EBNA1BP2: variants seen among roughly 807,000 people sequenced by gnomAD.
EBNA1BP2 encodes the protein EBNA1 binding protein 2.
A neutral mutation model predicts 43.5 loss-of-function variants in EBNA1BP2; 36 were observed. The ratio of observed to expected loss-of-function variants is 0.83; its 90% CI spans 0.63 to 1.09. The LOEUF is 1.09. Among genes scored for constraint, EBNA1BP2 ranks in the 50% least tolerant of loss-of-function variants. EBNA1BP2 has a pLI of 0.00. For synonymous variants in EBNA1BP2, 127 were observed against 141.3 expected, an observed-to-expected ratio of 0.90 and a Z score of 0.72; for missense variants, 332 against 379.1, an observed-to-expected ratio of 0.88 and a Z score of 1.03.
At chr1:43,171,101 A>C (rs1347000165) in intron 3 of EBNA1BP2, 2 of 581,568 alleles carry the variant, frequency 3.4e-6, no homozygotes, top group Non-Finnish European at 5.3e-6. Context: ...AAAATAGTTT[A>C]AGAGAATGAC....
At chr1:43,168,095 G>C (rs1644930536) in intron 5 of EBNA1BP2, among the ~76,000 whole-genome samples, 1 of 152,190 alleles carries the variant, frequency 6.6e-6, no homozygotes, top group African/African-American at 2.4e-5. Flanking sequence ...TGGTGTCTTT[G>C]AGAGAATCTC....
intron 5 of EBNA1BP2, among the ~76,000 whole-genome samples, chr1:43,168,359 T>A (rs1371748212): frequency 6.6e-6 from 1 of 152,240 alleles, no homozygotes; most frequent in African/African-American, 2.4e-5. Context: ...CTTTCTTAGA[T>A]GACCATGAAA....
Position 43,170,704 on chromosome 1 carries a change from T to A in EBNA1BP2, c.447+52A>T. 4 of 1,575,422 alleles carry A rather than the reference T, an allele frequency of 2.5e-6. No individual in the cohort carries two copies. The South Asian group carries it at 4.7e-5, about 19-fold the overall frequency. ...TAGCTATCTTTCTAAGCCAGCTGAA[T>A]ATGCTTAAGTACAAAGTTTTGACTT... On this transcript the variant is annotated intron_variant, in intron 4 of 8. Coordinates refer to ENST00000236051, the MANE Select transcript of EBNA1BP2 (RefSeq NM_006824.3).
intron 7 of EBNA1BP2, among the ~76,000 whole-genome samples, chr1:43,166,369 G>T (rs1199223365): frequency 6.6e-6 from 1 of 152,164 alleles, no homozygotes; most frequent in Admixed American, 6.5e-5. Flanking sequence ...AGCACTTTGG[G>T]AGGCTGAGGT....
Position 43,172,053 on chromosome 1 carries a change from C to T in EBNA1BP2, c.66G>A (p.Glu22=), listed in dbSNP as rs1168939428. ...CCCCACGAGCTCGGCTGACACCTAC[C>T]TCTCTGTCTGTGACAAGGGATTCAT... ...ESDESLVTDR[E]LQDAFSRGLL... Residue 22 remains glutamate, a splice_region_variant and synonymous_variant, in exon 1 of 9, where the codon GAG becomes GAA. Transcript: ENST00000236051. 8 of 1,614,174 alleles carry T rather than the reference C, an allele frequency of 5.0e-6. No individual in the cohort carries two copies. The highest frequency in any genetic ancestry group is 6.8e-6 in the Non-Finnish European group (8 of 1,180,040).
chr1:43,171,261 A>T (rs1644965162), intron 3 of EBNA1BP2: 1 of 582,510 alleles, frequency 1.7e-6, no homozygotes, highest in Non-Finnish European at 2.7e-6. Flanking sequence ...TTTTAACATG[A>T]ATATTTCAAA....
intron 4 of EBNA1BP2, among the ~76,000 whole-genome samples, chr1:43,170,105 C>T (rs1351252232): frequency 6.6e-6 from 1 of 152,222 alleles, no homozygotes; most frequent in Non-Finnish European, 1.5e-5. Context: ...TGCTATGCAT[C>T]ACCTCATTCT....
chr1:43,166,972 G>A lies in EBNA1BP2; in HGVS notation c.614-53C>T, dbSNP rs958051378. On this transcript the variant is annotated intron_variant, in intron 6 of 8. Transcript: ENST00000236051. Reference sequence around the variant, plus strand: ...GCACCATTGTATTTTAAGAATAAAAGTTTAAACCACCATATGAGGCTGTTA... The same window carrying A: ...GCACCATTGTATTTTAAGAATAAAAATTTAAACCACCATATGAGGCTGTTA... 5.5e-5 allele frequency: 87 copies of A among 1,585,810 alleles called. No individual in the cohort carries two copies. In the African/African-American group the frequency reaches 1.1e-3, roughly 21 times the overall value.
At chr1:43,168,790 G>T in intron 5 of EBNA1BP2, 149 bp downstream of exon 5, 1 of 819,958 alleles carries the variant, frequency 1.2e-6, no homozygotes, top group Non-Finnish European at 2.0e-6. Context: ...GCAAGATTGT[G>T]CTCATGAATA....
upstream of EBNA1BP2, chr1:43,172,469 T>C (rs1316271114): frequency 7.2e-6 from 11 of 1,524,832 alleles, no homozygotes; most frequent in Middle Eastern, 1.9e-4. Flanking sequence ...AGGGGGTACC[T>C]GGGGGTCGCC....
At position 43,164,289 on chromosome 1, in the gene EBNA1BP2, T is replaced by C. The variant is rs545800914; in HGVS notation, c.*154A>G. 1.6e-4 allele frequency: 130 copies of C among 820,398 alleles called. No homozygotes were observed. Among genetic ancestry groups the C allele is most frequent in the Admixed American group, 1.8e-4 (7 of 38,434 alleles). 50.8% of individuals were successfully genotyped at this position (820,398 alleles called of 1,614,324 possible). Reference sequence around the variant, plus strand: ...AACTTCTCAATCTTTTAGTCTAGACTATTTAACCAAAGGTATGTGTTCCTT... The same window carrying C: ...AACTTCTCAATCTTTTAGTCTAGACCATTTAACCAAAGGTATGTGTTCCTT... On this transcript the variant is annotated 3_prime_UTR_variant, in exon 9 of 9. Transcript: ENST00000236051.
chr1:43,169,141 A>G, intron 4 of EBNA1BP2, 113 bp from the exon 5 acceptor site: 2 of 1,138,830 alleles, frequency 1.8e-6, no homozygotes, highest in Non-Finnish European at 2.6e-6. Flanking sequence ...CGGAACTTAT[A>G]AATCATCAGT....
intron 7 of EBNA1BP2, among the ~76,000 whole-genome samples, chr1:43,166,016 T>C (rs1644915738): frequency 6.6e-6 from 1 of 152,186 alleles, no homozygotes; most frequent in African/African-American, 2.4e-5. Flanking sequence ...CTATCTTACA[T>C]GGAAATTATC....
intron 7 of EBNA1BP2, among the ~76,000 whole-genome samples, chr1:43,165,622 C>G (rs1414310326): frequency 6.6e-6 from 1 of 152,110 alleles, no homozygotes; most frequent in Non-Finnish European, 1.5e-5. Context: ...TGAATATAAC[C>G]TGCTCATTAC....
In EBNA1BP2 at chr1:43,172,076, C is replaced by A. The variant is rs1339822526; in HGVS notation, c.43G>T (p.Glu15Ter). 7.4e-6 allele frequency: 12 copies of A among 1,614,202 alleles called. No individual in the cohort carries two copies. Among genetic ancestry groups the A allele is most frequent in the Non-Finnish European group, 1.0e-5 (12 of 1,180,034 alleles). Residue 15 changes from glutamate (E) to a stop codon, truncating the protein, a stop_gained, in exon 1 of 9, where the codon GAA becomes TAA. Transcript: ENST00000236051. LOFTEE classifies it high-confidence loss of function. Reference sequence around the variant, plus strand: ...ACCTCTCTGTCTGTGACAAGGGATTCATCGGATTCCGACTCCGAATCCGAG... The same window carrying A: ...ACCTCTCTGTCTGTGACAAGGGATTAATCGGATTCCGACTCCGAATCCGAG... ...PLSDSESESD[E>*]SLVTDRELQD... is the part of the protein sequence containing the mutation.
In EBNA1BP2 at chr1:43,169,491, C is replaced by T. The variant is rs545082869; in HGVS notation, c.448-463G>A. ...TCAGTGAGAATTTGTACAGAGTTCA[C>T]AGTAAGAAGGTGAACTACTACCACG... On this transcript the variant is annotated intron_variant, in intron 4 of 8. Coordinates refer to ENST00000236051, the MANE Select transcript of EBNA1BP2 (RefSeq NM_006824.3). Among the ~76,000 whole-genome samples, 249 of 152,266 alleles carry T rather than the reference C, an allele frequency of 1.6e-3. 1 individual carries two copies. The highest frequency in any genetic ancestry group is 2.8e-3 in the Non-Finnish European group (193 of 68,012).
At chr1:43,166,685 AG>A in intron 7 of EBNA1BP2, 140 bp downstream of exon 7, 1 of 789,022 alleles carries the variant, frequency 1.3e-6, no homozygotes. Context: ...ACACAGTCAT[AG>A]GGGTCCTGGC....
intron 6 of EBNA1BP2, 35 bp from the exon 7 acceptor site, chr1:43,166,954 T>G: frequency 6.2e-7 from 1 of 1,600,934 alleles, no homozygotes. Context: ...TCAGCACCAT[T>G]GTATTTTAAG....
chr1:43,171,865 C>A, intron 2 of EBNA1BP2, 21 bp downstream of exon 2: 2 of 1,612,854 alleles, frequency 1.2e-6, no homozygotes, highest in South Asian at 1.1e-5. Context: ...CGAGTACCCC[C>A]GACCCTGTGC....
Sources: allele counts gnomAD v4.1 joint callset (sites outside exome capture counted in the v4.1 genomes callset), GRCh38; gene constraint gnomAD v4.1.1; transcripts MANE v1.5; gene names NCBI Gene and HGNC (gene_info 2026-07-23, HGNC 2026-07-21).